PCDHGC3: variants seen among roughly 807,000 people sequenced by gnomAD.
The protein encoded by PCDHGC3 is protocadherin gamma-C3.
A neutral mutation model predicts 59.2 loss-of-function variants in PCDHGC3; 26 were observed. The ratio of observed to expected loss-of-function variants is 0.44; its 90% CI spans 0.32 to 0.61. The LOEUF is 0.61. Ranked by LOEUF, PCDHGC3 falls within the 20% of genes least tolerant of loss-of-function variation. PCDHGC3 has a pLI of 0.05. For synonymous variants in PCDHGC3, 487 were observed against 519.7 expected (o/e 0.94, Z 0.86); for missense variants, 1,080 against 1,221.8 (o/e 0.88, Z 1.73).
intron 1 of PCDHGC3, 30 bp downstream of exon 1, chr5:141,478,576 G>T (rs543160289): frequency 5.0e-6 from 8 of 1,585,598 alleles, no homozygotes; most frequent in Non-Finnish European, 6.9e-6. Flanking sequence ...GCTTGACCCT[G>T]TTAGTGCTTT....
chr5:141,497,877 G>C (rs1057284578), intron 2 of PCDHGC3, among the ~76,000 whole-genome samples: 6 of 152,148 alleles, frequency 3.9e-5, no homozygotes, highest in Admixed American at 2.6e-4. Context: ...AGTGAAATAA[G>C]CGTTAGGATC....
rs1297208780 is a variant in PCDHGC3 at position 141,486,613 on chromosome 5, T to C, written c.2430+8067T>C. 2 of 1,613,658 alleles carry C rather than the reference T, an allele frequency of 1.2e-6. No individual in the cohort carries two copies. The highest frequency in any genetic ancestry group is 2.7e-5 in the African/African-American group (2 of 75,074). On this transcript the variant is annotated intron_variant, in intron 1 of 3. Coordinates refer to ENST00000308177, the MANE Select transcript of PCDHGC3 (RefSeq NM_002588.4). The surrounding 1 kb of genome is among the most constrained non-coding windows in gnomAD (Gnocchi z 5.0). ...ACCTGCTTTGCTCCCTTGCAGCCTC[T>C]GACCCAGACTCTGGCTTGAATGCGC...
chr5:141,505,596 T>G (rs2099846990), intron 3 of PCDHGC3, 115 bp downstream of exon 3: 1 of 1,562,168 alleles, frequency 6.4e-7, no homozygotes, highest in African/African-American at 1.4e-5. Context: ...CTCCAGATCT[T>G]TCGGCAGGTC....
Position 141,485,060 on chromosome 5 carries a change from G to T in PCDHGC3, c.2430+6514G>T. The T allele has an allele frequency of 1.2e-6, 1 of 862,304 alleles. No individual in the cohort carries two copies. 53.4% of individuals were successfully genotyped at this position (862,304 alleles called of 1,614,324 possible). ...ACCCTTGCGGCGCCGGCCGAACCGC[G>T]CCAGAGCTGGCGCGGGGAAAGGGAG... On this transcript the variant is annotated intron_variant, in intron 1 of 3. Coordinates refer to ENST00000308177, the MANE Select transcript of PCDHGC3 (RefSeq NM_002588.4). The surrounding 1 kb of genome is among the most constrained non-coding windows in gnomAD (Gnocchi z 5.7).
At position 141,487,641 on chromosome 5, in the gene PCDHGC3, T is replaced by C. The variant is rs1343702532; in HGVS notation, c.2431-7166T>C. The stretch of plus-strand genomic sequence containing the variant: ...GTGAGACCTTTGCAGGCTCAACAAA[T>C]GCTTGAGGGTTATTCTGATCCAGGC... On this transcript the variant is annotated intron_variant, in intron 1 of 3. Coordinates refer to ENST00000308177, the MANE Select transcript of PCDHGC3 (RefSeq NM_002588.4). The surrounding 1 kb of genome is among the most constrained non-coding windows in gnomAD (Gnocchi z 5.0). The C allele has an allele frequency of 6.2e-7, 1 of 1,614,122 alleles. No individual in the cohort carries two copies. Among genetic ancestry groups the C allele is most frequent in the Non-Finnish European group, 8.5e-7 (1 of 1,179,998 alleles).
Position 141,476,144 on chromosome 5 carries a change from C to T in PCDHGC3, c.28C>T (p.Leu10=). ...GGTCCCAGAGGCCTGGAGGAGCGGA[C>T]TGGTAAGCACCGGGAGGGTAGTGGG... is the stretch of plus-strand genomic sequence containing the variant. The part of the protein sequence containing the change: MVPEAWRSG[L]VSTGRVVGVL... Residue 10 remains leucine (L), a synonymous_variant, in exon 1 of 4, where the codon CTG becomes TTG. Transcript: ENST00000308177. This position sits in a 1 kb window ranked among gnomAD's most constrained non-coding sequence, Gnocchi z 7.6. 6.2e-7 allele frequency: 1 copy of T among 1,610,510 alleles called. No individual in the cohort carries two copies. The highest frequency in any genetic ancestry group is 1.3e-5 in the African/African-American group (1 of 75,014).
At position 141,491,151 on chromosome 5, in the gene PCDHGC3, T is replaced by C. The variant is rs1283775894; in HGVS notation, c.2431-3656T>C. The C allele has an allele frequency of 6.2e-7, 1 of 1,614,150 alleles. No individual in the cohort carries two copies. On this transcript the variant is annotated intron_variant, in intron 1 of 3. Transcript: ENST00000308177. The surrounding 1 kb of genome is among the most constrained non-coding windows in gnomAD (Gnocchi z 6.9). ...GCACAGCCCGGGCCTTACTGGAGGA[T>C]GACTCTGACACCCAGCAGGTGGTGG...
intron 1 of PCDHGC3, chr5:141,478,899 T>A (rs905349011): frequency 9.7e-7 from 1 of 1,027,124 alleles, no homozygotes; most frequent in African/African-American, 1.6e-5. Context: ...ACATTAGGAA[T>A]AAGCTGCTGG....
chr5:141,494,820 AC>A lies in PCDHGC3; in HGVS notation c.2445del (p.Asn815LysfsTer39). 6.2e-7 allele frequency: 1 copy of A among 1,613,988 alleles called. No homozygotes were observed. The highest frequency in any genetic ancestry group is 2.2e-5 in the East Asian group (1 of 44,874). On this transcript the variant is annotated frameshift_variant, in exon 2 of 4. Coordinates refer to ENST00000308177, the MANE Select transcript of PCDHGC3 (RefSeq NM_002588.4). LOFTEE classifies it high-confidence loss of function. ...TTTTCTCCACAGCAAGCCCCGCCCA[AC>A]ACGGACTGGCGTTTCTCTCAGGCCC... ...SAPPGQQAPP[N>X]TDWRFSQAQR...
chr5:141,487,709 A>G lies in PCDHGC3; in HGVS notation c.2431-7098A>G. On this transcript the variant is annotated intron_variant, in intron 1 of 3. Coordinates refer to ENST00000308177, the MANE Select transcript of PCDHGC3 (RefSeq NM_002588.4). This position sits in a 1 kb window ranked among gnomAD's most constrained non-coding sequence, Gnocchi z 5.0. ...CCTAGAGAGTACTGGCCTCTCAGTA[A>G]GTGCCCATAGTGATGTCACCATTTT... is the stretch of plus-strand genomic sequence containing the variant. 6.3e-7 allele frequency: 1 copy of G among 1,586,184 alleles called. No individual in the cohort carries two copies. Among genetic ancestry groups the G allele is most frequent in the South Asian group, 1.1e-5 (1 of 87,958 alleles).
In PCDHGC3 at chr5:141,489,261, A is replaced by C; in HGVS notation, c.2431-5546A>C. 6.4e-7 allele frequency: 1 copy of C among 1,551,956 alleles called. No individual in the cohort carries two copies. Among genetic ancestry groups the C allele is most frequent in the East Asian group, 2.2e-5 (1 of 44,450 alleles). Reference sequence around the variant, plus strand: ...GGGTCATGGGGCCCAAGACACTCCCACAGCTCGCTGGGAAATGGCAAGTGC... The same window carrying C: ...GGGTCATGGGGCCCAAGACACTCCCCCAGCTCGCTGGGAAATGGCAAGTGC... On this transcript the variant is annotated intron_variant, in intron 1 of 3. Coordinates refer to ENST00000308177, the MANE Select transcript of PCDHGC3 (RefSeq NM_002588.4). The surrounding 1 kb of genome is among the most constrained non-coding windows in gnomAD (Gnocchi z 4.5).
intron 1 of PCDHGC3, chr5:141,484,966 G>C: frequency 1.7e-6 from 1 of 583,968 alleles, no homozygotes. Context: ...GAGCCCGGGA[G>C]CCGCTGTCTG....
Position 141,478,429 on chromosome 5 carries a change from G to C in PCDHGC3, c.2313G>C (p.Pro771=). The change falls in exon 1 of 4, where the codon CCG becomes CCC. Residue 771 remains proline (P), a synonymous_variant. Transcript: ENST00000308177. The part of the protein sequence containing the change: ...YLTTDSRRSD[P]LLKKPGAASP... ...CCACGGACTCCCGCCGCAGCGACCCGCTGCTGAAGAAACCTGGTGCAGCCA... is the reference window on the plus strand; with the variant it reads ...CCACGGACTCCCGCCGCAGCGACCCCCTGCTGAAGAAACCTGGTGCAGCCA... 1 of 1,613,674 alleles carries C rather than the reference G, an allele frequency of 6.2e-7. No homozygotes were observed. Among genetic ancestry groups the C allele is most frequent in the Non-Finnish European group, 8.5e-7 (1 of 1,180,006 alleles).
intron 2 of PCDHGC3, among the ~76,000 whole-genome samples, chr5:141,501,956 A>G (rs527567012): frequency 6.6e-6 from 1 of 152,136 alleles, no homozygotes; most frequent in Non-Finnish European, 1.5e-5. Context: ...GTGACAGGTC[A>G]TCCTCCTAAC....
At position 141,487,796 on chromosome 5, in the gene PCDHGC3, T is replaced by C. The variant is rs766798983; in HGVS notation, c.2431-7011T>C. ...TAACTGTTTCGTGAATTAACCAGAG[T>C]TGTCACAGTTTAGCATTGGGGGCGG... On this transcript the variant is annotated intron_variant, in intron 1 of 3. Coordinates refer to ENST00000308177, the MANE Select transcript of PCDHGC3 (RefSeq NM_002588.4). The surrounding 1 kb of genome is among the most constrained non-coding windows in gnomAD (Gnocchi z 5.0). 15 of 1,498,660 alleles carry C rather than the reference T, an allele frequency of 1.0e-5. No homozygotes were observed. The highest frequency in any genetic ancestry group is 1.4e-5 in the Non-Finnish European group (15 of 1,110,900). 92.8% of individuals were successfully genotyped at this position (1,498,660 alleles called of 1,614,324 possible). A position where few individuals can be genotyped will look rare whatever the true frequency, so the allele number is the denominator to read the frequency against.
In PCDHGC3 at chr5:141,485,066, G is replaced by A. The variant is rs907517904; in HGVS notation, c.2430+6520G>A. On this transcript the variant is annotated intron_variant, in intron 1 of 3. Coordinates refer to ENST00000308177, the MANE Select transcript of PCDHGC3 (RefSeq NM_002588.4). This position sits in a 1 kb window ranked among gnomAD's most constrained non-coding sequence, Gnocchi z 5.7. Reference sequence around the variant, plus strand: ...GCGGCGCCGGCCGAACCGCGCCAGAGCTGGCGCGGGGAAAGGGAGATAGGT... The same window carrying A: ...GCGGCGCCGGCCGAACCGCGCCAGAACTGGCGCGGGGAAAGGGAGATAGGT... 1 of 885,622 alleles carries A rather than the reference G, an allele frequency of 1.1e-6. No individual in the cohort carries two copies. Among genetic ancestry groups the A allele is most frequent in the Non-Finnish European group, 1.8e-6 (1 of 559,820 alleles). 54.9% of individuals were successfully genotyped at this position (885,622 alleles called of 1,614,324 possible).
rs776773140 is a variant in PCDHGC3, at chr5:141,476,589, G to A, written c.473G>A (p.Ser158Asn). 5 of 1,614,246 alleles carry A rather than the reference G, an allele frequency of 3.1e-6. No individual in the cohort carries two copies. Among genetic ancestry groups the A allele is most frequent in the Non-Finnish European group, 4.2e-6 (5 of 1,180,046 alleles). The change falls in exon 1 of 4, where the codon AGC (serine) becomes AAC (asparagine). Residue 158 changes from serine (S) to asparagine (N), a missense_variant. By Grantham distance (46) the Ser-to-Asn change is conservative (BLOSUM62 1). Coordinates refer to ENST00000308177, the MANE Select transcript of PCDHGC3 (RefSeq NM_002588.4). This position sits in a 1 kb window ranked among gnomAD's most constrained non-coding sequence, Gnocchi z 7.6. ...CCGGGGACGCGCTTTCCGCTCGAGA[G>A]CGCGCACGATCCCGATGTGGGAAGC... Reference protein sequence around the residue: ...VAPGTRFPLESAHDPDVGSNS... With the variant: ...VAPGTRFPLENAHDPDVGSNS...
In PCDHGC3 at chr5:141,490,499, A is replaced by G. The variant is rs1269710790; in HGVS notation, c.2431-4308A>G. On this transcript the variant is annotated intron_variant, in intron 1 of 3. Coordinates refer to ENST00000308177, the MANE Select transcript of PCDHGC3 (RefSeq NM_002588.4). The surrounding 1 kb of genome is among the most constrained non-coding windows in gnomAD (Gnocchi z 5.4). ...TTGGACCGGGAGGCCACATCCCACT[A>G]TATCATCGAGCTGCTGGCCAGCGAT... 1.2e-6 allele frequency: 2 copies of G among 1,614,148 alleles called. No homozygotes were observed. Among genetic ancestry groups the G allele is most frequent in the Non-Finnish European group, 8.5e-7 (1 of 1,180,020 alleles).
At position 141,494,934 on chromosome 5, in the gene PCDHGC3, T is replaced by C. The variant is rs2099757666; in HGVS notation, c.2489+69T>C. On this transcript the variant is annotated intron_variant, in intron 2 of 3. Transcript: ENST00000308177. ...TTCTCAGGGATGACGTGGGAGGAGA[T>C]GGGGGAGGGCCCAGCATTTGCTACA... 5.6e-6 allele frequency: 9 copies of C among 1,612,736 alleles called. No individual in the cohort carries two copies. The South Asian group carries it at 7.7e-5, about 14-fold the overall frequency.
Sources: allele counts gnomAD v4.1 joint callset (sites outside exome capture counted in the v4.1 genomes callset), GRCh38; gene constraint gnomAD v4.1.1; non-coding constraint Gnocchi (gnomAD v3.1); transcripts MANE v1.5; gene names NCBI Gene and HGNC (gene_info 2026-07-23, HGNC 2026-07-21).